Variants in MFN2 observed in about 807,000 individuals in gnomAD.
MFN2 encodes the protein mitofusin 2.
MFN2 carries 43 observed loss-of-function variants against 87.5 expected under a neutral mutation model. The observed-to-expected ratio is 0.49, with a 90% confidence interval of 0.38 to 0.63. MFN2 has a LOEUF of 0.63. MFN2 is among the 30% of genes least tolerant of loss of function. MFN2 has a pLI of 0.00. For missense variants in MFN2, 743 were observed against 972.8 expected, an observed-to-expected ratio of 0.76 and a Z score of 3.14; for synonymous variants, 337 against 359.9, an observed-to-expected ratio of 0.94 and a Z score of 0.72.
Position 12,007,036 on chromosome 1 carries a change from G to T in MFN2, c.1873-17G>T. 1.9e-6 allele frequency: 3 copies of T among 1,612,870 alleles called. No homozygotes were observed. In the South Asian group the frequency reaches 3.3e-5, roughly 18 times the overall value. On this transcript the variant is annotated splice_polypyrimidine_tract_variant and intron_variant, in intron 16 of 18. Coordinates refer to ENST00000235329, the MANE Select transcript of MFN2 (RefSeq NM_014874.4). ...CCACAGAGAGGCTGCACTCCAGGCTGACCATGTGCTCTGCAGGTGTGGAAG... is the reference window on the plus strand; with the variant it reads ...CCACAGAGAGGCTGCACTCCAGGCTTACCATGTGCTCTGCAGGTGTGGAAG...
intron 1 of MFN2, 50 bp from the exon 2 acceptor site, chr1:11,981,920 G>GTTTTTTTTTTTT (rs34602102): frequency 7.2e-6 from 1 of 138,002 alleles, no homozygotes; most frequent in Admixed American, 7.1e-5. Context: ...GTACACCAGT[G>GTTTTTTTTTTTT]TTTTTTTTTT....
rs747870255 is a variant in MFN2, at chr1:12,004,569, A to G, written c.1348A>G (p.Met450Val). The change falls in exon 13 of 19, where the codon ATG (methionine) becomes GTG (valine). Residue 450 changes from methionine to valine, a missense_variant. Physicochemically the swap from Met to Val is conservative, Grantham distance 21. Coordinates refer to ENST00000235329, the MANE Select transcript of MFN2 (RefSeq NM_014874.4). This position sits in a 1 kb window ranked among gnomAD's most constrained non-coding sequence, Gnocchi z 4.2. ...CTCTGTACTGGTGGACGATTACCAG[A>G]TGGACTTCCACCCTTCTCCAGTAGT... ...RLSVLVDDYQMDFHPSPVVLK... is the reference protein window; with the variant it reads ...RLSVLVDDYQVDFHPSPVVLK... 6.2e-7 allele frequency: 1 copy of G among 1,614,122 alleles called. No homozygotes were observed. Among genetic ancestry groups the G allele is most frequent in the Non-Finnish European group, 8.5e-7 (1 of 1,180,022 alleles).
chr1:12,005,905 CGGGCCTTGAT>C lies in MFN2; in HGVS notation c.1695_1704del (p.Leu566ThrfsTer11). The C allele has an allele frequency of 6.2e-7, 1 of 1,613,902 alleles. No homozygotes were observed. Among genetic ancestry groups the C allele is most frequent in the Non-Finnish European group, 8.5e-7 (1 of 1,180,002 alleles). On this transcript the variant is annotated frameshift_variant, in exon 15 of 19. Transcript: ENST00000235329. LOFTEE classifies it high-confidence loss of function. ...GTTCCTGGGCCCCAAGAACAGCCGT[CGGGCCTTGAT>C]GGGCTACAATGACCAGGCAAGCAAA...
chr1:12,001,688 C>T, intron 9 of MFN2, 81 bp from the exon 10 acceptor site: 1 of 1,599,832 alleles, frequency 6.3e-7, no homozygotes, highest in Non-Finnish European at 8.6e-7. Flanking sequence ...GCTCTTTAGC[C>T]AGTGGCTTGG....
chr1:12,006,160 T>TG (rs1639405213), intron 15 of MFN2, among the ~76,000 whole-genome samples: 1 of 95,448 alleles, frequency 1.0e-5, no homozygotes, highest in African/African-American at 4.0e-5. Context: ...CTAATACACA[T>TG]TAAAGTAAGT....
intron 4 of MFN2, among the ~76,000 whole-genome samples, chr1:11,993,733 CAA>C (rs34578450): frequency 4.5e-3 from 561 of 123,468 alleles, no homozygotes; most frequent in Non-Finnish European, 6.2e-3. Context: ...GACTCCATCT[CAA>C]AAAAAAAAAA....
rs192027632 is a variant in MFN2 at position 12,009,211 on chromosome 1, C to T, written c.2070-381C>T. 1.8e-3 allele frequency among the ~76,000 whole-genome samples: 276 copies of T among 151,416 alleles called. 1 individual carries two copies. The highest frequency in any genetic ancestry group is 6.2e-3 in the African/African-American group (256 of 41,332). On this transcript the variant is annotated intron_variant, in intron 17 of 18. Transcript: ENST00000235329. Reference sequence around the variant, plus strand: ...CGTGGAAAGAGAGGGAGAGGGAGACCGTGGGGAGAGGGAGAGGGAGCGGGA... The same window carrying T: ...CGTGGAAAGAGAGGGAGAGGGAGACTGTGGGGAGAGGGAGAGGGAGCGGGA...
intron 14 of MFN2, among the ~76,000 whole-genome samples, chr1:12,005,258 T>C (rs1639357948): frequency 6.6e-6 from 1 of 152,196 alleles, no homozygotes; most frequent in African/African-American, 2.4e-5. Context: ...TTTTTTTGTA[T>C]TTTTAGTAGA....
chr1:11,992,717 C>G, intron 4 of MFN2, 27 bp downstream of exon 4: 1 of 1,614,200 alleles, frequency 6.2e-7, no homozygotes, highest in Non-Finnish European at 8.5e-7. Context: ...CCCACCCTTT[C>G]TTTCTTCCTG....
At position 11,989,166 on chromosome 1, in the gene MFN2, G is replaced by T; in HGVS notation, c.-3G>T. On this transcript the variant is annotated splice_region_variant and 5_prime_UTR_variant, in exon 3 of 19. Transcript: ENST00000235329. Reference sequence around the variant, plus strand: ...CGCTCACGTTAGCTTCTCTTGCAGCGCAATGTCCCTGCTCTTCTCTCGATG... The same window carrying T: ...CGCTCACGTTAGCTTCTCTTGCAGCTCAATGTCCCTGCTCTTCTCTCGATG... 2 of 1,613,944 alleles carry T rather than the reference G, an allele frequency of 1.2e-6. No individual in the cohort carries two copies. The highest frequency in any genetic ancestry group is 1.7e-6 in the Non-Finnish European group (2 of 1,179,986).
intron 6 of MFN2, 69 bp downstream of exon 6, chr1:11,997,490 A>C (rs1055589768): frequency 6.2e-7 from 1 of 1,604,754 alleles, no homozygotes; most frequent in African/African-American, 1.3e-5. Context: ...TGGATAATCT[A>C]GGCCAGGGTC....
At chr1:11,996,100 AAAGT>A in intron 4 of MFN2, 52 bp from the exon 5 acceptor site, 1 of 1,611,338 alleles carries the variant, frequency 6.2e-7, no homozygotes, top group Non-Finnish European at 8.5e-7. Context: ...CTGCGTTGTG[AAAGT>A]AATTCAGGTC....
chr1:11,996,447 T>C, intron 5 of MFN2, 129 bp downstream of exon 5: 1 of 1,110,342 alleles, frequency 9.0e-7, no homozygotes, highest in African/African-American at 1.6e-5. Flanking sequence ...AGACCCTATT[T>C]TAGATGAACT....
In MFN2 at chr1:11,988,409, T is replaced by G. The variant is rs553202585; in HGVS notation, c.-4-756T>G. On this transcript the variant is annotated intron_variant, in intron 2 of 18. Transcript: ENST00000235329. ...TAACCCACCATGCCTGGCTGTTTTT[T>G]TTTTTTTTTTTAAATAGAGACGGGG... Among the ~76,000 whole-genome samples, 369 of 150,878 alleles carry G rather than the reference T, an allele frequency of 2.4e-3. 8 individuals are homozygous for G. The East Asian group carries it at 0.042, about 17-fold the overall frequency.
At chr1:12,000,255 C>G (rs1019026635) in intron 8 of MFN2, among the ~76,000 whole-genome samples, 1 of 151,886 alleles carries the variant, frequency 6.6e-6, no homozygotes, top group Non-Finnish European at 1.5e-5. Context: ...TGCAGTGGCA[C>G]AATCTCGGCT....
rs1236200141 is a variant in MFN2 at position 11,992,539 on chromosome 1, C to T, written c.176-16C>T. 1.9e-6 allele frequency: 3 copies of T among 1,614,172 alleles called. No homozygotes were observed. The highest frequency in any genetic ancestry group is 1.3e-5 in the African/African-American group (1 of 75,058). On this transcript the variant is annotated splice_polypyrimidine_tract_variant and intron_variant, in intron 3 of 18. Transcript: ENST00000235329. The stretch of plus-strand genomic sequence containing the variant: ...CTCTGACCACGTGGTGACCCATTTT[C>T]AATCCCCACCTCCAGACACGTACAG...
chr1:11,991,244 T>C (rs1014214443), intron 3 of MFN2, among the ~76,000 whole-genome samples: 11 of 152,126 alleles, frequency 7.2e-5, no homozygotes, highest in African/African-American at 2.4e-4. Context: ...TGGGGTCAGA[T>C]AGTGTGGCCC....
chr1:11,998,863 C>T lies in MFN2; in HGVS notation c.693C>T (p.Ser231=), dbSNP rs774356643. ...DVFVLVANSE[S]TLMQTEKHFF... is the part of the protein sequence containing the mutation. Reference sequence around the variant, plus strand: ...TTGTGCTGGTGGCCAACTCAGAGTCCACCCTGATGCAGACGGTAACTCCTC... The same window carrying T: ...TTGTGCTGGTGGCCAACTCAGAGTCTACCCTGATGCAGACGGTAACTCCTC... Residue 231 remains serine (S), a synonymous_variant, in exon 7 of 19, where the codon TCC becomes TCT. Coordinates refer to ENST00000235329, the MANE Select transcript of MFN2 (RefSeq NM_014874.4). The T allele has an allele frequency of 3.7e-6, 6 of 1,614,174 alleles. No homozygotes were observed. Among genetic ancestry groups the T allele is most frequent in the Admixed American group, 3.3e-5 (2 of 60,020 alleles).
chr1:11,994,817 G>A (rs1419589689), intron 4 of MFN2, among the ~76,000 whole-genome samples: 1 of 152,192 alleles, frequency 6.6e-6, no homozygotes, highest in Non-Finnish European at 1.5e-5. Context: ...CTGGGTGCAG[G>A]TAAGGTCATT....
Sources: gnomAD v4.1 joint callset for allele counts (sites outside exome capture counted in the v4.1 genomes callset) on GRCh38, gnomAD v4.1.1 for gene constraint, Gnocchi (gnomAD v3.1) non-coding constraint, MANE v1.5 for transcripts, NCBI Gene and HGNC (gene_info 2026-07-23, HGNC 2026-07-21) for gene names.